Variants in TAS2R14 observed in about 807,000 individuals in gnomAD.
TAS2R14 encodes taste 2 receptor member 14.
For missense variants in TAS2R14, 383 were observed against 372.0 expected (o/e 1.03, Z -0.24); for synonymous variants, 131 against 131.0 (o/e 1.00, Z 0.00).
In TAS2R14 at chr12:10,938,283, C is replaced by T. The variant is rs1364464703; in HGVS notation, c.925G>A (p.Gly309Ser). The T allele has an allele frequency of 1.2e-6, 2 of 1,606,736 alleles. No individual in the cohort carries two copies. Among genetic ancestry groups the T allele is most frequent in the Non-Finnish European group, 1.7e-6 (2 of 1,177,864 alleles). The change falls in exon 1 of 1, where the codon GGT becomes AGT. Residue 309 changes from glycine (G) to serine (S), a missense_variant. Transcript: ENST00000537503. ...GATGATTCTCTAAATTCTTTGTGAC[C>T]TGAGGGCTCCCCATCTTTGAACATG...
At chr12:10,938,570 T>A (rs765728197) in exon 1 of TAS2R14, 1 of 1,614,026 alleles carries the variant, frequency 6.2e-7, no homozygotes, top group Non-Finnish European at 8.5e-7. Context: ...GACAGTGTGC[T>A]GCATCTTCTT....
At position 10,938,667 on chromosome 12, in the gene TAS2R14, A is replaced by G. The variant is rs200583189; in HGVS notation, c.541T>C (p.Leu181=). 2.5e-6 allele frequency: 4 copies of G among 1,614,108 alleles called. No homozygotes were observed. The African/African-American group carries it at 5.3e-5, about 22-fold the overall frequency. ...ATGAAAATGAACACAGTGCTGGTTA[A>G]TACAATAAGACTGGAAAATCGTGTA... Residue 181 remains leucine, a synonymous_variant, in exon 1 of 1, where the codon TTA becomes CTA. Coordinates refer to ENST00000537503, the Ensembl canonical transcript of TAS2R14.
At chr12:10,938,023 A>G (rs1339709648) in exon 1 of TAS2R14, 3 of 394,378 alleles carry the variant, frequency 7.6e-6, no homozygotes, top group African/African-American at 4.2e-5. Flanking sequence ...TGATTGATAC[A>G]AAATCTATAT....
rs146833217 is a variant in TAS2R14, at chr12:10,938,949, T to A, written c.259A>T (p.Asn87Tyr). The change falls in exon 1 of 1, where the codon AAT becomes TAT. Residue 87 changes from asparagine to tyrosine, a missense_variant. By Grantham distance (143) the Asn-to-Tyr change is moderately radical (BLOSUM62 -2). Coordinates refer to ENST00000537503, the Ensembl canonical transcript of TAS2R14. ...AAATGATTGATCACTGTCCAGATAT[T>A]AGTAAGCATTCTGAACATTTTTTCA... 7.7e-4 allele frequency: 1,245 copies of A among 1,613,720 alleles called. 8 individuals are homozygous for A. The African/African-American group carries it at 0.015, about 19-fold the overall frequency.
exon 1 of TAS2R14, chr12:10,939,065 A>C (rs753912776): frequency 6.2e-7 from 1 of 1,614,040 alleles, no homozygotes; most frequent in East Asian, 2.2e-5. Context: ...CAAAGCAGTG[A>C]GGATCCGATC....
chr12:10,937,952 A>G (rs1337784253), exon 1 of TAS2R14: 1 of 238,948 alleles, frequency 4.2e-6, no homozygotes, highest in Non-Finnish European at 7.9e-6. Context: ...ACATACATAC[A>G]TACACACATG....
At chr12:10,939,070 C>A in exon 1 of TAS2R14, 1 of 1,613,988 alleles carries the variant, frequency 6.2e-7, no homozygotes, top group Non-Finnish European at 8.5e-7. Flanking sequence ...CAGTGAGGAT[C>A]CGATCAACCG....
chr12:10,938,744 C>T, exon 1 of TAS2R14: 1 of 1,613,760 alleles, frequency 6.2e-7, no homozygotes, highest in Non-Finnish European at 8.5e-7. Context: ...TCCATTGATA[C>T]TGGCATTTAT....
exon 1 of TAS2R14, chr12:10,938,210 T>A: frequency 7.7e-7 from 1 of 1,294,162 alleles, no homozygotes; most frequent in South Asian, 1.5e-5. Context: ...TAAATTTATA[T>A]AACATACAAG....
Position 10,938,178 on chromosome 12 carries a change from A to G in TAS2R14, c.*76T>C, listed in dbSNP as rs749199764. On this transcript the variant is annotated 3_prime_UTR_variant, in exon 1 of 1. Coordinates refer to ENST00000537503, the Ensembl canonical transcript of TAS2R14. ...TGTAAAATTCACAAAGTTATACACA[A>G]TGAAAGAATCTTAAGGAAGTATAAA... 1.2e-4 allele frequency: 123 copies of G among 1,012,362 alleles called. 1 individual carries two copies. The highest frequency in any genetic ancestry group is 1.4e-4 in the Non-Finnish European group (95 of 697,550). The allele number at this position is 1,012,362 out of a possible 1,614,324, so 62.7% of individuals were successfully genotyped here.
chr12:10,938,469 A>C, exon 1 of TAS2R14: 1 of 1,614,114 alleles, frequency 6.2e-7, no homozygotes, highest in Non-Finnish European at 8.5e-7. Context: ...GATATGAAAA[A>C]AGACAGAGAG....
At chr12:10,937,563 ACAG>A (rs935900630) in exon 1 of TAS2R14, 1 of 152,194 alleles carries the variant, frequency 6.6e-6, no homozygotes, top group African/African-American at 2.4e-5. Context: ...ATTTGCAAAG[ACAG>A]CAGTTACGAT....
Position 10,939,082 on chromosome 12 carries a change from A to G in TAS2R14, c.126T>C (p.Ser42=), listed in dbSNP as rs150047748. 5.0e-6 allele frequency: 8 copies of G among 1,613,504 alleles called. No individual in the cohort carries two copies. The East Asian group carries it at 1.8e-4, about 36-fold the overall frequency. The change falls in exon 1 of 1, where the codon TCT becomes TCC. Residue 42 remains serine (S), a synonymous_variant. Transcript: ENST00000537503. The stretch of plus-strand genomic sequence containing the variant: ...AAGCAGTGAGGATCCGATCAACCGA[A>G]GAGATCTTTCTTCCCTTGACCCAGT...
At chr12:10,939,134 C>G in exon 1 of TAS2R14, 2 of 1,601,514 alleles carry the variant, frequency 1.2e-6, no homozygotes, top group Non-Finnish European at 1.7e-6. Context: ...TGCTATGAAA[C>G]TATTTCCTAA....
At chr12:10,938,779 T>G in exon 1 of TAS2R14, 1 of 1,613,470 alleles carries the variant, frequency 6.2e-7, no homozygotes, top group Non-Finnish European at 8.5e-7. Flanking sequence ...GTGCAATATT[T>G]AAAAACAAGA....
chr12:10,938,368 C>G, exon 1 of TAS2R14: 1 of 1,614,004 alleles, frequency 6.2e-7, no homozygotes, highest in Non-Finnish European at 8.5e-7. Context: ...TTCCAAGAAT[C>G]AGAACACATG....
In TAS2R14 at chr12:10,938,247, A is replaced by G. The variant is rs746623581; in HGVS notation, c.*7T>C. 5.2e-6 allele frequency: 8 copies of G among 1,541,014 alleles called. No individual in the cohort carries two copies. In the African/African-American group the frequency reaches 5.6e-5, roughly 11 times the overall value. On this transcript the variant is annotated 3_prime_UTR_variant, in exon 1 of 1. Coordinates refer to ENST00000537503, the Ensembl canonical transcript of TAS2R14. ...ATTTCTTAGGAGCTATTTTTTTTCT[A>G]ATATATTCAAGATGATTCTCTAAAT...
exon 1 of TAS2R14, chr12:10,938,760 T>A: frequency 6.2e-7 from 1 of 1,613,880 alleles, no homozygotes; most frequent in Non-Finnish European, 8.5e-7. Context: ...TTTATATGGA[T>A]GTTTATCAGT....
At chr12:10,939,007 A>G in exon 1 of TAS2R14, 2 of 1,613,672 alleles carry the variant, frequency 1.2e-6, no homozygotes, top group Non-Finnish European at 1.7e-6. Flanking sequence ...ACACAGACAC[A>G]CACCAGCTTC....
Sources: allele counts gnomAD v4.1 joint callset, GRCh38; gene constraint gnomAD v4.1.1; transcripts MANE v1.5; gene names NCBI Gene and HGNC (gene_info 2026-07-23, HGNC 2026-07-21).